LRCH1: variants seen among roughly 807,000 people sequenced by gnomAD.
LRCH1 encodes leucine rich repeats and calponin homology domain containing 1.
A neutral mutation model predicts 94.9 loss-of-function variants in LRCH1; 23 were observed. The observed-to-expected ratio is 0.24, with a 90% CI of 0.17 to 0.34. The LOEUF (loss-of-function observed/expected upper bound fraction) is 0.34, where lower values mean the gene tolerates loss of function less well. Among genes scored for constraint, LRCH1 ranks in the 10% least tolerant of loss-of-function variants. The pLI is 1.00. For synonymous variants in LRCH1, 364 were observed against 354.9 expected (o/e 1.03, Z -0.29); for missense variants, 790 against 945.9 (o/e 0.84, Z 2.16).
chr13:46,557,480 G>A (rs557784498), intron 1 of LRCH1, among the ~76,000 whole-genome samples: 24 of 150,340 alleles, frequency 1.6e-4, no homozygotes, highest in African/African-American at 5.8e-4. Flanking sequence ...GGCCTAGGTG[G>A]AAGGACCACT....
chr13:46,687,176 C>T (rs1414361594), intron 5 of LRCH1, among the ~76,000 whole-genome samples: 1 of 152,076 alleles, frequency 6.6e-6, no homozygotes, highest in South Asian at 2.1e-4. Flanking sequence ...CCAGGCTGCT[C>T]TCTAATTCCT....
chr13:46,750,789 G>A (rs1424171874), exon 19 of LRCH1: 1 of 590,444 alleles, frequency 1.7e-6, no homozygotes, highest in Non-Finnish European at 3.0e-6. Context: ...ACAATTTTCA[G>A]TCTAAGGGAG....
chr13:46,669,293 A>G, intron 3 of LRCH1, 137 bp downstream of exon 3: 1 of 927,548 alleles, frequency 1.1e-6, no homozygotes, highest in Non-Finnish European at 1.6e-6. Context: ...TGATAAAGAC[A>G]TTAAGTGGGG....
chr13:46,565,837 A>G (rs909315535), intron 1 of LRCH1, among the ~76,000 whole-genome samples: 1 of 148,542 alleles, frequency 6.7e-6, no homozygotes, highest in Non-Finnish European at 1.5e-5. Flanking sequence ...TAATAATAAT[A>G]ATAATAATAA....
Position 46,744,381 on chromosome 13 carries a change from T to G in LRCH1, c.*2533T>G, listed in dbSNP as rs1873816420. 1 of 985,324 alleles carries G rather than the reference T, an allele frequency of 1.0e-6. No individual in the cohort carries two copies. The highest frequency in any genetic ancestry group is 1.2e-6 in the Non-Finnish European group (1 of 829,928). The allele number at this position is 985,324 out of a possible 1,614,324, so 61.0% of individuals were successfully genotyped here. ...TTTTGAAATAGCCATTTGTATTCTC[T>G]TTCTCCAGTTTCTCCAACTGGTGGC... On this transcript the variant is annotated 3_prime_UTR_variant, in exon 20 of 20. Coordinates refer to ENST00000389797, the MANE Select transcript of LRCH1 (RefSeq NM_001164211.2).
At chr13:46,710,208 G>C (rs1871987774) in intron 13 of LRCH1, among the ~76,000 whole-genome samples, 1 of 152,180 alleles carries the variant, frequency 6.6e-6, no homozygotes, top group Admixed American at 6.5e-5. Context: ...GCAGTCCTGA[G>C]CTTGTTTTAG....
At chr13:46,606,487 C>T (rs1021138295) in intron 1 of LRCH1, among the ~76,000 whole-genome samples, 5 of 152,202 alleles carry the variant, frequency 3.3e-5, no homozygotes, top group Non-Finnish European at 7.3e-5. Context: ...CTGTGTTGTT[C>T]CTACCCACAG....
chr13:46,666,299 A>G (rs1449488689), intron 2 of LRCH1, among the ~76,000 whole-genome samples: 1 of 152,228 alleles, frequency 6.6e-6, no homozygotes, highest in Non-Finnish European at 1.5e-5. Context: ...ATTTTATTTT[A>G]AGTAAGTACC....
chr13:46,750,668 T>TG, exon 19 of LRCH1: 4 of 1,498,296 alleles, frequency 2.7e-6, no homozygotes, highest in Non-Finnish European at 3.6e-6. Context: ...CCTTCTCCAT[T>TG]GGGGGCTCAG....
At chr13:46,595,863 C>CATT (rs1354414865) in intron 1 of LRCH1, among the ~76,000 whole-genome samples, 2 of 62,960 alleles carry the variant, frequency 3.2e-5, no homozygotes, top group Non-Finnish European at 5.8e-5. Context: ...CACGGCCTCA[C>CATT]ATTGTTTTTT....
chr13:46,696,884 C>G (rs1871223188), intron 9 of LRCH1, among the ~76,000 whole-genome samples: 1 of 152,060 alleles, frequency 6.6e-6, no homozygotes, highest in Admixed American at 6.6e-5. Context: ...GCCTGGGCAA[C>G]ATACTAAGAT....
chr13:46,711,384 A>G (rs1872053168), intron 13 of LRCH1, among the ~76,000 whole-genome samples: 2 of 152,186 alleles, frequency 1.3e-5, no homozygotes, highest in Non-Finnish European at 2.9e-5. Flanking sequence ...CCAGACGTGT[A>G]TTTATTGAAT....
At chr13:46,614,615 T>C (rs1212520173) in intron 1 of LRCH1, among the ~76,000 whole-genome samples, 1 of 152,200 alleles carries the variant, frequency 6.6e-6, no homozygotes, top group African/African-American at 2.4e-5. Context: ...ACCTAGACTT[T>C]TATCGTGAAT....
intron 18 of LRCH1, among the ~76,000 whole-genome samples, chr13:46,733,448 A>T (rs965634333): frequency 1.3e-5 from 2 of 152,092 alleles, no homozygotes; most frequent in African/African-American, 4.8e-5. Flanking sequence ...ATATTTGTTG[A>T]TGGGGAAGTT....
intron 1 of LRCH1, among the ~76,000 whole-genome samples, chr13:46,641,793 A>G (rs1054344070): frequency 6.6e-6 from 1 of 152,132 alleles, no homozygotes; most frequent in African/African-American, 2.4e-5. Context: ...AATCGTGCTG[A>G]CTGCACACCA....
In LRCH1 at chr13:46,650,310, C is replaced by A. The variant is rs201744827; in HGVS notation, c.417C>A (p.Ile139=). The change falls in exon 2 of 20, where the codon ATC becomes ATA. Residue 139 remains isoleucine, a synonymous_variant. Transcript: ENST00000389797. ...GTATCAGAGTCATTCCTGAGGCCATCGTTAATCTGCAGATGCTGACTTACC... is the reference window on the plus strand; with the variant it reads ...GTATCAGAGTCATTCCTGAGGCCATAGTTAATCTGCAGATGCTGACTTACC... The part of the protein sequence containing the change: ...HNCIRVIPEA[I]VNLQMLTYLN... 9 of 1,604,348 alleles carry A rather than the reference C, an allele frequency of 5.6e-6. No individual in the cohort carries two copies. Among genetic ancestry groups the A allele is most frequent in the Non-Finnish European group, 8.5e-7 (1 of 1,175,094 alleles).
At chr13:46,679,509 G>A (rs898129811) in intron 3 of LRCH1, among the ~76,000 whole-genome samples, 12 of 152,190 alleles carry the variant, frequency 7.9e-5, no homozygotes, top group African/African-American at 2.4e-4. Context: ...GACTGAACAC[G>A]ATCTCTGGAC....
At chr13:46,616,529 G>A (rs746095492) in intron 1 of LRCH1, among the ~76,000 whole-genome samples, 2 of 152,168 alleles carry the variant, frequency 1.3e-5, no homozygotes, top group Non-Finnish European at 2.9e-5. Flanking sequence ...AAAGTGTAAT[G>A]TCTTGAGTCA....
chr13:46,633,201 A>T (rs2051039606), intron 1 of LRCH1, among the ~76,000 whole-genome samples: 1 of 152,248 alleles, frequency 6.6e-6, no homozygotes. Context: ...TTTTGGGCTA[A>T]GGAAAAAAAA....
Sources: allele counts gnomAD v4.1 joint callset (sites outside exome capture counted in the v4.1 genomes callset), GRCh38; gene constraint gnomAD v4.1.1; transcripts MANE v1.5; gene names NCBI Gene and HGNC (gene_info 2026-07-23, HGNC 2026-07-21).